The following ATRNL1 variants were observed in gnomAD, a reference collection of about 807,000 sequenced individuals.
The protein encoded by ATRNL1 is attractin like 1.
In ATRNL1, 95 loss-of-function variants were observed where a neutral mutation model predicts 182.7. The observed-to-expected ratio is 0.52, with a 90% CI of 0.44 to 0.62. ATRNL1 has a LOEUF of 0.62. ATRNL1 is among the 20% of genes least tolerant of loss of function. The probability of loss-of-function intolerance (pLI) is 0.00; values close to 1 mark genes in which losing one functional copy is unlikely to be tolerated. For synonymous variants in ATRNL1, 576 were observed against 568.3 expected, an observed-to-expected ratio of 1.01 and a Z score of -0.19; for missense variants, 1,471 against 1,679.5, an observed-to-expected ratio of 0.88 and a Z score of 2.17.
intron 20 of ATRNL1, among the ~76,000 whole-genome samples, chr10:115,422,790 T>C (rs1227147667): frequency 1.3e-5 from 2 of 152,202 alleles, no homozygotes; most frequent in African/African-American, 4.8e-5. Context: ...TACTACATGT[T>C]CTCACTTTTT....
Position 115,944,677 on chromosome 10 carries a change from C to T in ATRNL1, c.4038C>T (p.Ala1346=). The T allele has an allele frequency of 1.2e-6, 2 of 1,611,894 alleles. No individual in the cohort carries two copies. Among genetic ancestry groups the T allele is most frequent in the Non-Finnish European group, 1.7e-6 (2 of 1,178,694 alleles). ...PGQSGLAIAS[A]LIDISQQKAS... ...TTCCAGGCCTTGCAATTGCCAGTGC[C>T]CTAATAGATATTTCACAACAGAAAG... Residue 1346 remains alanine (A), a synonymous_variant, in exon 29 of 29, where the codon GCC becomes GCT. Transcript: ENST00000355044.
chr10:115,802,791 G>A (rs957747382), intron 27 of ATRNL1, among the ~76,000 whole-genome samples: 1 of 152,142 alleles, frequency 6.6e-6, no homozygotes, highest in African/African-American at 2.4e-5. Context: ...AGCCTATAAG[G>A]CTAATCCATA....
At position 115,301,997 on chromosome 10, in the gene ATRNL1, T is replaced by A. The variant is rs782356248; in HGVS notation, c.2772T>A (p.Ser924=). The A allele has an allele frequency of 6.2e-7, 1 of 1,614,042 alleles. No homozygotes were observed. The highest frequency in any genetic ancestry group is 8.5e-7 in the Non-Finnish European group (1 of 1,179,918). Residue 924 remains serine (S), a synonymous_variant, in exon 17 of 29, where the codon TCT becomes TCA. Coordinates refer to ENST00000355044, the MANE Select transcript of ATRNL1 (RefSeq NM_207303.4). The part of the protein sequence containing the change: ...RCVDSNAYII[S]FPYGQCLEWQ... ...TTGACTCTAATGCCTATATCATCTC[T>A]TTTCCATATGGACAATGTCTAGAGT... is the stretch of plus-strand genomic sequence containing the variant.
chr10:115,789,751 C>T (rs2420115), intron 27 of ATRNL1, among the ~76,000 whole-genome samples: 1 of 151,990 alleles, frequency 6.6e-6, no homozygotes, highest in African/African-American at 2.4e-5. Context: ...CTGCTTCCTA[C>T]GCCAGGGCAA....
At chr10:115,391,125 A>G (rs1329745791) in intron 19 of ATRNL1, among the ~76,000 whole-genome samples, 2 of 152,080 alleles carry the variant, frequency 1.3e-5, no homozygotes, top group Non-Finnish European at 2.9e-5. Flanking sequence ...TAACTTTTTA[A>G]TTTCCTATTT....
chr10:115,157,288 T>C (rs1267200975), intron 5 of ATRNL1, among the ~76,000 whole-genome samples: 1 of 151,844 alleles, frequency 6.6e-6, no homozygotes, highest in Non-Finnish European at 1.5e-5. Flanking sequence ...ATATTAGTAT[T>C]AGCTGTTTAA....
intron 21 of ATRNL1, among the ~76,000 whole-genome samples, chr10:115,455,587 T>C (rs970530255): frequency 1.8e-4 from 27 of 152,236 alleles, no homozygotes; most frequent in African/African-American, 6.3e-4. Context: ...AACGAGTTCA[T>C]GACTAAAACA....
At chr10:115,802,045 C>CACACACACACACACACACAA (rs1360083138) in intron 27 of ATRNL1, among the ~76,000 whole-genome samples, 1 of 67,026 alleles carries the variant, frequency 1.5e-5, no homozygotes, top group East Asian at 5.7e-4. Context: ...CACACACACA[C>CACACACACACACACACACAA]AAAACAAAAA....
At chr10:115,437,471 C>G (rs1387090662) in intron 21 of ATRNL1, among the ~76,000 whole-genome samples, 1 of 151,948 alleles carries the variant, frequency 6.6e-6, no homozygotes, top group Non-Finnish European at 1.5e-5. Flanking sequence ...CTTCCTGGAG[C>G]TATCTGTAAA....
At chr10:115,940,135 A>G (rs1007445927) in intron 28 of ATRNL1, among the ~76,000 whole-genome samples, 3 of 152,148 alleles carry the variant, frequency 2.0e-5, no homozygotes, top group African/African-American at 4.8e-5. Context: ...GGAAATCTTT[A>G]TAGTGAAAAA....
intron 28 of ATRNL1, among the ~76,000 whole-genome samples, chr10:115,944,285 TAA>T (rs10588486): frequency 0.71 from 93,305 of 131,194 alleles, 35,699 homozygotes; most frequent in Non-Finnish European, 0.83. Context: ...GTTTTGTTCC[TAA>T]AAAAAAAAAA....
rs1201766453 is a variant in ATRNL1 at position 115,389,538 on chromosome 10, GTGTA to G, written c.3176-5119_3176-5116del. On this transcript the variant is annotated intron_variant, in intron 19 of 28. Transcript: ENST00000355044. ...AGCTGAATAGTATTCAAATGTGTAT[GTGTA>G]TATATATATATATATATATATATAT... 7.7e-3 allele frequency among the ~76,000 whole-genome samples: 396 copies of G among 51,404 alleles called. 34 individuals carry two copies. Among genetic ancestry groups the G allele is most frequent in the African/African-American group, 0.034 (345 of 10,010 alleles). The allele number at this position is 51,404 out of a possible 152,430, so 33.7% of individuals were successfully genotyped here.
In ATRNL1 at chr10:115,502,809, G is replaced by A. The variant is rs376424142; in HGVS notation, c.3655-16454G>A. 2.6e-5 allele frequency among the ~76,000 whole-genome samples: 4 copies of A among 152,230 alleles called. No individual in the cohort carries two copies. In the East Asian group the frequency reaches 7.7e-4, roughly 29 times the overall value. On this transcript the variant is annotated intron_variant, in intron 24 of 28. Coordinates refer to ENST00000355044, the MANE Select transcript of ATRNL1 (RefSeq NM_207303.4). ...TCAAATGTAGATGATGGGTTGATGAGTGCAGCAAATCACCATGGCACGTGT... is the reference window on the plus strand; with the variant it reads ...TCAAATGTAGATGATGGGTTGATGAATGCAGCAAATCACCATGGCACGTGT...
chr10:115,790,798 A>C (rs1555081622), intron 27 of ATRNL1, among the ~76,000 whole-genome samples: 1 of 152,198 alleles, frequency 6.6e-6, no homozygotes, highest in Admixed American at 6.5e-5. Context: ...TAAAGTAGAA[A>C]GAATTAAAAG....
intron 3 of ATRNL1, among the ~76,000 whole-genome samples, chr10:115,123,469 T>C (rs1481127916): frequency 6.6e-6 from 1 of 152,226 alleles, no homozygotes; most frequent in Non-Finnish European, 1.5e-5. Context: ...GAATCTAATA[T>C]GTTTGAATTA....
intron 19 of ATRNL1, among the ~76,000 whole-genome samples, chr10:115,358,231 T>G (rs1353211797): frequency 6.6e-6 from 1 of 151,624 alleles, no homozygotes; most frequent in African/African-American, 2.4e-5. Flanking sequence ...ACTTCCTTCA[T>G]AGGAAAAGAA....
chr10:115,657,020 ACT>A (rs1332227009), intron 26 of ATRNL1, among the ~76,000 whole-genome samples: 1 of 152,034 alleles, frequency 6.6e-6, no homozygotes, highest in African/African-American at 2.4e-5. Context: ...GAGGAAATTA[ACT>A]CTTGTTTATA....
chr10:115,835,330 C>T (rs1286083014), intron 27 of ATRNL1, among the ~76,000 whole-genome samples: 1 of 152,020 alleles, frequency 6.6e-6, no homozygotes, highest in Non-Finnish European at 1.5e-5. Flanking sequence ...ATTTGAATGC[C>T]AACTGTGAAG....
chr10:115,530,723 A>G (rs1169673441), intron 25 of ATRNL1, among the ~76,000 whole-genome samples: 2 of 150,814 alleles, frequency 1.3e-5, no homozygotes, highest in Non-Finnish European at 3.0e-5. Flanking sequence ...GGTGTGCTGC[A>G]CCCATTAACT....
Sources: allele counts gnomAD v4.1 joint callset (sites outside exome capture counted in the v4.1 genomes callset), GRCh38; gene constraint gnomAD v4.1.1; transcripts MANE v1.5; gene names NCBI Gene and HGNC (gene_info 2026-07-23, HGNC 2026-07-21).